PCDH9: variants seen among roughly 807,000 people sequenced by gnomAD.
PCDH9 encodes the protein protocadherin 9, also known as protocadherin-9.
PCDH9 carries 24 observed loss-of-function variants against 70.6 expected under a neutral mutation model. The observed-to-expected ratio is 0.34, with a 90% CI of 0.25 to 0.48. The LOEUF (loss-of-function observed/expected upper bound fraction) is 0.48, where lower values mean the gene tolerates loss of function less well. Ranked by LOEUF, PCDH9 falls within the 20% of genes least tolerant of loss-of-function variation. The pLI is 0.99. For synonymous variants in PCDH9, 562 were observed against 558.5 expected (o/e 1.01, Z -0.09); for missense variants, 1,281 against 1,503.6 (o/e 0.85, Z 2.45).
chr13:66,823,897 A>G (rs372486143), intron 3 of PCDH9, among the ~76,000 whole-genome samples: 13 of 152,166 alleles, frequency 8.5e-5, no homozygotes, highest in East Asian at 7.7e-4. Flanking sequence ...TTCCTTTTCT[A>G]TGTAGTTGTC....
chr13:66,916,311 C>T (rs1391219203), intron 2 of PCDH9, among the ~76,000 whole-genome samples: 1 of 151,456 alleles, frequency 6.6e-6, no homozygotes, highest in African/African-American at 2.4e-5. Flanking sequence ...TAACAAATAC[C>T]TAAAATAGAC....
chr13:67,118,891 A>C (rs910177341), intron 2 of PCDH9, among the ~76,000 whole-genome samples: 1 of 152,194 alleles, frequency 6.6e-6, no homozygotes, highest in Non-Finnish European at 1.5e-5. Flanking sequence ...TAGAACAAGT[A>C]ACTCATTTAA....
chr13:66,822,495 T>A (rs951953332), intron 3 of PCDH9, among the ~76,000 whole-genome samples: 32 of 43,480 alleles, frequency 7.4e-4, no homozygotes, highest in African/African-American at 2.0e-3. Flanking sequence ...TGTCCTGGAA[T>A]TTTTTTTTTT....
intron 2 of PCDH9, among the ~76,000 whole-genome samples, chr13:66,938,145 C>T (rs1303745014): frequency 1.3e-5 from 2 of 152,118 alleles, no homozygotes; most frequent in African/African-American, 4.8e-5. Context: ...CTAAGAAACC[C>T]TGGCCTTAAC....
At chr13:67,217,362 C>G (rs778725323) in intron 2 of PCDH9, 4 of 151,978 alleles carry the variant, frequency 2.6e-5, no homozygotes, top group South Asian at 2.1e-4. Flanking sequence ...TATTATGACT[C>G]TCACAGGCCC....
At chr13:66,997,689 C>G (rs2084149415) in intron 2 of PCDH9, among the ~76,000 whole-genome samples, 1 of 152,132 alleles carries the variant, frequency 6.6e-6, no homozygotes, top group African/African-American at 2.4e-5. Context: ...CGCACATCAC[C>G]ATGCCTAGCT....
chr13:67,068,828 C>A (rs77352107), intron 2 of PCDH9, among the ~76,000 whole-genome samples: 2 of 152,112 alleles, frequency 1.3e-5, no homozygotes, highest in Admixed American at 6.6e-5. Flanking sequence ...CTAAAATTAT[C>A]CTGTTATGTG....
intron 2 of PCDH9, among the ~76,000 whole-genome samples, chr13:67,088,180 C>T (rs2138203219): frequency 6.6e-6 from 1 of 151,500 alleles, no homozygotes; most frequent in South Asian, 2.1e-4. Flanking sequence ...TGACATTTAC[C>T]TCTAGTTTTG....
At chr13:67,034,882 T>G (rs1215413844) in intron 2 of PCDH9, among the ~76,000 whole-genome samples, 2 of 151,962 alleles carry the variant, frequency 1.3e-5, no homozygotes, top group East Asian at 3.9e-4. Context: ...TTAGACAATT[T>G]GCATAACTCT....
chr13:67,057,535 A>G (rs1386314123), intron 2 of PCDH9, among the ~76,000 whole-genome samples: 1 of 152,118 alleles, frequency 6.6e-6, no homozygotes, highest in Non-Finnish European at 1.5e-5. Flanking sequence ...CAATAGCTAT[A>G]GTATTATCTA....
At chr13:66,766,773 T>C (rs1351586915) in intron 3 of PCDH9, among the ~76,000 whole-genome samples, 1 of 152,024 alleles carries the variant, frequency 6.6e-6, no homozygotes, top group East Asian at 1.9e-4. Context: ...TTAGTGGTGT[T>C]GTATGGCTTG....
intron 2 of PCDH9, among the ~76,000 whole-genome samples, chr13:67,134,157 G>A (rs2087175030): frequency 6.6e-6 from 1 of 152,002 alleles, no homozygotes; most frequent in South Asian, 2.1e-4. Context: ...GCAAGTCAGC[G>A]TTGACAAAAT....
intron 3 of PCDH9, among the ~76,000 whole-genome samples, chr13:66,683,587 T>C (rs2078358845): frequency 6.6e-6 from 1 of 152,200 alleles, no homozygotes; most frequent in Non-Finnish European, 1.5e-5. Context: ...ACTACATTTA[T>C]ACTCACATTA....
Position 66,540,964 on chromosome 13 carries a change from T to C in PCDH9, c.3340+90246A>G, listed in dbSNP as rs562949312. 2.6e-5 allele frequency among the ~76,000 whole-genome samples: 4 copies of C among 152,280 alleles called. No homozygotes were observed. The South Asian group carries it at 8.3e-4, about 32-fold the overall frequency. Reference sequence around the variant, plus strand: ...TTTGTAATCTAATGGAGTTAACTTATTGAACTTCACACACCAGATTAGGTT... The same window carrying C: ...TTTGTAATCTAATGGAGTTAACTTACTGAACTTCACACACCAGATTAGGTT... On this transcript the variant is annotated intron_variant, in intron 4 of 4. Coordinates refer to ENST00000377865, the MANE Select transcript of PCDH9 (RefSeq NM_203487.3).
At chr13:66,370,106 C>A (rs1322321856) in intron 4 of PCDH9, among the ~76,000 whole-genome samples, 1 of 152,062 alleles carries the variant, frequency 6.6e-6, no homozygotes, top group Non-Finnish European at 1.5e-5. Context: ...AGGTCCCTGA[C>A]CTCCTTTTCT....
At position 67,225,938 on chromosome 13, in the gene PCDH9, G is replaced by A; in HGVS notation, c.2503C>T (p.Leu835=). The A allele has an allele frequency of 6.2e-7, 1 of 1,614,134 alleles. No individual in the cohort carries two copies. The highest frequency in any genetic ancestry group is 8.5e-7 in the Non-Finnish European group (1 of 1,180,024). The change falls in exon 2 of 5, where the codon CTG becomes TTG. Residue 835 remains leucine (L), a synonymous_variant. Transcript: ENST00000377865. ...CTTGATGCATGGCGACAGCGCACCAGAACGGTGACGAAGATCACAACAATG... is the reference window on the plus strand; with the variant it reads ...CTTGATGCATGGCGACAGCGCACCAAAACGGTGACGAAGATCACAACAATG... ...VVIVVIFVTV[L]VRCRHASRFK...
chr13:66,341,129 A>G (rs1956116799), intron 4 of PCDH9, among the ~76,000 whole-genome samples: 1 of 151,946 alleles, frequency 6.6e-6, no homozygotes. Flanking sequence ...TATTTTATTT[A>G]TTTACTTTTT....
intron 4 of PCDH9, among the ~76,000 whole-genome samples, chr13:66,379,438 C>T (rs1956803937): frequency 6.6e-6 from 1 of 152,134 alleles, no homozygotes; most frequent in African/African-American, 2.4e-5. Flanking sequence ...TCACGTCACT[C>T]ATTACTTTCC....
intron 4 of PCDH9, among the ~76,000 whole-genome samples, chr13:66,543,963 T>A (rs1961075071): frequency 6.6e-6 from 1 of 152,136 alleles, no homozygotes; most frequent in Non-Finnish European, 1.5e-5. Flanking sequence ...ATCTACTGAG[T>A]CTGAACAGCT....
Sources: gnomAD v4.1 joint callset for allele counts (sites outside exome capture counted in the v4.1 genomes callset) on GRCh38, gnomAD v4.1.1 for gene constraint, MANE v1.5 for transcripts, NCBI Gene and HGNC (gene_info 2026-07-23, HGNC 2026-07-21) for gene names.